Variants in FSHR observed in about 807,000 individuals in gnomAD.
FSHR encodes the protein follicle stimulating hormone receptor.
Under a neutral mutation model 52.1 loss-of-function variants are expected in FSHR, and 46 were observed. The observed-to-expected ratio is 0.88, with a 90% confidence interval of 0.70 to 1.13. The LOEUF is 1.13. Ranked by LOEUF, FSHR falls within the 50% of genes most tolerant of loss-of-function variation. The pLI is 0.00. For missense variants in FSHR, 964 were observed against 834.6 expected (o/e 1.16, Z -1.91); for synonymous variants, 399 against 309.6 (o/e 1.29, Z -3.03).
At chr2:49,151,705 T>A (rs759173666) in intron 1 of FSHR, among the ~76,000 whole-genome samples, 1 of 152,144 alleles carries the variant, frequency 6.6e-6, no homozygotes, top group African/African-American at 2.4e-5. Flanking sequence ...CTACACCTCA[T>A]GTAATCATTA....
At chr2:49,117,544 G>A (rs1031624262) in intron 1 of FSHR, among the ~76,000 whole-genome samples, 6 of 152,196 alleles carry the variant, frequency 3.9e-5, no homozygotes, top group African/African-American at 1.4e-4. Context: ...AGCTATAAGA[G>A]TTCCGAAGAC....
At position 49,109,206 on chromosome 2, in the gene FSHR, C is replaced by G. The variant is rs1671341256; in HGVS notation, c.153-40916G>C. On this transcript the variant is annotated intron_variant, in intron 1 of 9. Transcript: ENST00000406846. The stretch of plus-strand genomic sequence containing the variant: ...TGAGCAGTGTGTTCTAGGCCAAGGG[C>G]AAAGTTAAGAACTTTGATGAGACTG... Among the ~76,000 whole-genome samples, 3 of 152,182 alleles carry G rather than the reference C, an allele frequency of 2.0e-5. No homozygotes were observed. In the South Asian group the frequency reaches 6.2e-4, roughly 32 times the overall value.
At chr2:49,000,777 C>T (rs1287197015) in intron 4 of FSHR, among the ~76,000 whole-genome samples, 1 of 152,084 alleles carries the variant, frequency 6.6e-6, no homozygotes, top group African/African-American at 2.4e-5. Context: ...TGGAAAGTTT[C>T]ATAGCTGCTC....
intron 1 of FSHR, among the ~76,000 whole-genome samples, chr2:49,115,200 C>T (rs7562108): frequency 0.05 from 7,608 of 150,918 alleles, 610 homozygotes; most frequent in African/African-American, 0.17. Flanking sequence ...CTGGAGGCAC[C>T]GGAGCAGAGA....
intron 2 of FSHR, among the ~76,000 whole-genome samples, chr2:49,029,255 C>T (rs1183059346): frequency 6.6e-6 from 1 of 152,206 alleles, no homozygotes; most frequent in Non-Finnish European, 1.5e-5. Context: ...GAGCACACAT[C>T]GTGGCTGCTG....
chr2:49,039,410 C>A (rs184673457), intron 2 of FSHR, among the ~76,000 whole-genome samples: 4 of 152,226 alleles, frequency 2.6e-5, no homozygotes, highest in African/African-American at 4.8e-5. Context: ...TCTCCACCTG[C>A]TGCACTGTCT....
chr2:49,015,988 C>G (rs1026093707), intron 4 of FSHR, among the ~76,000 whole-genome samples: 5 of 152,040 alleles, frequency 3.3e-5, no homozygotes, highest in African/African-American at 1.2e-4. Context: ...TTTTTCAGAC[C>G]CTTTCTGGGG....
chr2:49,060,954 C>T (rs1428320951), intron 2 of FSHR, among the ~76,000 whole-genome samples: 1 of 152,158 alleles, frequency 6.6e-6, no homozygotes, highest in South Asian at 2.1e-4. Context: ...GCCTCATCTC[C>T]TGGGAGATGC....
At position 48,990,553 on chromosome 2, in the gene FSHR, G is replaced by A. The variant is rs1675723413; in HGVS notation, c.446+13C>T. The A allele has an allele frequency of 1.9e-6, 3 of 1,573,298 alleles. No homozygotes were observed. The highest frequency in any genetic ancestry group is 1.7e-5 in the Admixed American group (1 of 59,964). ...GAGTAAAGAGTTGGTAGTCACTCAAGGAAAAAACTTACAGTAAAACTTTTT... is the reference window on the plus strand; with the variant it reads ...GAGTAAAGAGTTGGTAGTCACTCAAAGAAAAAACTTACAGTAAAACTTTTT... On this transcript the variant is annotated intron_variant, in intron 5 of 9. Coordinates refer to ENST00000406846, the MANE Select transcript of FSHR (RefSeq NM_000145.4).
chr2:49,079,836 C>T (rs1670100964), intron 1 of FSHR, among the ~76,000 whole-genome samples: 2 of 151,460 alleles, frequency 1.3e-5, no homozygotes, highest in Non-Finnish European at 2.9e-5. Flanking sequence ...CACAAAAATC[C>T]CGCACTAAAA....
At chr2:49,054,052 C>T (rs1333439709) in intron 2 of FSHR, among the ~76,000 whole-genome samples, 2 of 152,124 alleles carry the variant, frequency 1.3e-5, no homozygotes, top group Non-Finnish European at 2.9e-5. Flanking sequence ...AGTCTAGTTC[C>T]ATGTAAGTGA....
At chr2:49,066,663 G>A (rs1212792641) in intron 2 of FSHR, among the ~76,000 whole-genome samples, 2 of 152,044 alleles carry the variant, frequency 1.3e-5, no homozygotes, top group Non-Finnish European at 2.9e-5. Context: ...CAGCTGCTGT[G>A]GTTCTTGGAT....
chr2:49,075,776 C>T (rs557569723), intron 1 of FSHR, among the ~76,000 whole-genome samples: 2 of 152,060 alleles, frequency 1.3e-5, no homozygotes, highest in South Asian at 2.1e-4. Flanking sequence ...TGCAGGCATG[C>T]ACCACCACAT....
At chr2:49,068,375 T>TA (rs1340344857) in intron 1 of FSHR, 85 bp from the exon 2 acceptor site, 7 of 1,105,462 alleles carry the variant, frequency 6.3e-6, no homozygotes, top group Non-Finnish European at 9.6e-6. Flanking sequence ...AGCAAACAGT[T>TA]ACCATATACT....
chr2:49,124,427 C>A (rs1259782849), intron 1 of FSHR, among the ~76,000 whole-genome samples: 1 of 152,110 alleles, frequency 6.6e-6, no homozygotes, highest in Non-Finnish European at 1.5e-5. Flanking sequence ...AATCTTTAGG[C>A]TATAGAATTA....
chr2:49,137,552 A>C (rs529337624), intron 1 of FSHR, among the ~76,000 whole-genome samples: 7 of 152,070 alleles, frequency 4.6e-5, no homozygotes, highest in Admixed American at 6.6e-5. Context: ...AGGAGAACAA[A>C]GTTGGAGGAT....
At chr2:49,014,531 T>C (rs1012924364) in intron 4 of FSHR, among the ~76,000 whole-genome samples, 3 of 152,078 alleles carry the variant, frequency 2.0e-5, no homozygotes, top group African/African-American at 4.8e-5. Flanking sequence ...CCCACATCCT[T>C]ACAAGTTCAA....
At position 48,963,416 on chromosome 2, in the gene FSHR, G is replaced by A; in HGVS notation, c.1405C>T (p.His469Tyr). The change falls in exon 10 of 10, where the codon CAT (histidine) becomes TAT (tyrosine). Residue 469 changes from histidine to tyrosine, a missense_variant. His to Tyr is a moderately conservative substitution (Grantham distance 83, BLOSUM62 2). Transcript: ENST00000406846. ...TLTAITLERW[H>Y]TITHAMQLDC... ...AGCTGCATGGCATGCGTGATGGTAT[G>A]CCATCTTTCCAAGGTGATAGCTGTC... 3 of 1,614,154 alleles carry A rather than the reference G, an allele frequency of 1.9e-6. No homozygotes were observed. The highest frequency in any genetic ancestry group is 2.5e-6 in the Non-Finnish European group (3 of 1,180,006).
At chr2:49,100,020 A>G (rs1670968863) in intron 1 of FSHR, among the ~76,000 whole-genome samples, 1 of 152,170 alleles carries the variant, frequency 6.6e-6, no homozygotes, top group Non-Finnish European at 1.5e-5. Context: ...GAGCACTAAT[A>G]ATAATAATGG....
Sources: allele counts gnomAD v4.1 joint callset (sites outside exome capture counted in the v4.1 genomes callset), GRCh38; gene constraint gnomAD v4.1.1; transcripts MANE v1.5; gene names NCBI Gene and HGNC (gene_info 2026-07-23, HGNC 2026-07-21).